AKAP1: variants seen among roughly 807,000 people sequenced by gnomAD.
The protein encoded by AKAP1 is A-kinase anchor protein 1, mitochondrial.
A neutral mutation model predicts 79.8 loss-of-function variants in AKAP1; 32 were observed. That is an observed-to-expected ratio of 0.40 (90% CI 0.30 to 0.54). The LOEUF (loss-of-function observed/expected upper bound fraction) is 0.54, where lower values mean the gene tolerates loss of function less well. Among genes scored for constraint, AKAP1 ranks in the 20% least tolerant of loss-of-function variants. The probability of loss-of-function intolerance (pLI) is 0.47; values close to 1 mark genes in which losing one functional copy is unlikely to be tolerated. For synonymous variants in AKAP1, 416 were observed against 466.7 expected (o/e 0.89, Z 1.40); for missense variants, 961 against 1,138.9 (o/e 0.84, Z 2.25).
chr17:57,097,258 G>T (rs1004788496), intron 1 of AKAP1, among the ~76,000 whole-genome samples: 1 of 152,150 alleles, frequency 6.6e-6, no homozygotes, highest in Non-Finnish European at 1.5e-5. Context: ...GCCTTCCTGG[G>T]CTCCCTTTGC....
At chr17:57,095,751 T>C (rs1389788024) in intron 1 of AKAP1, 1 of 152,204 alleles carries the variant, frequency 6.6e-6, no homozygotes, top group Non-Finnish European at 1.5e-5. Flanking sequence ...TCTTTTCTGA[T>C]GTCTTTACTG....
In AKAP1 at chr17:57,091,452, G is replaced by T. The variant is rs376345244; in HGVS notation, c.-25+6054G>T. The stretch of plus-strand genomic sequence containing the variant: ...AAGCCACCCTGGAAGCTGCCAAGGG[G>T]TGTGTGGAGGGGGTGGCTGCTTAAG... On this transcript the variant is annotated intron_variant, in intron 1 of 10. Transcript: ENST00000337714. Among the ~76,000 whole-genome samples the T allele has an allele frequency of 1.5e-4, 22 of 151,546 alleles. No homozygotes were observed. In the East Asian group the frequency reaches 4.3e-3, roughly 29 times the overall value.
intron 1 of AKAP1, 26 bp from the exon 2 acceptor site, chr17:57,105,415 C>T (rs200038194): frequency 8.4e-4 from 1,347 of 1,607,326 alleles, no homozygotes; most frequent in Non-Finnish European, 1.1e-3. Flanking sequence ...TAACATCCCT[C>T]CTCCCCGCTC....
chr17:57,119,830 CTTTTTTTTTTT>C (rs3054874), intron 10 of AKAP1, among the ~76,000 whole-genome samples: 3 of 70,316 alleles, frequency 4.3e-5, no homozygotes, highest in East Asian at 3.4e-4. Context: ...CCCTGTTACT[CTTTTTTTTTTT>C]TTTTTTTTTG....
intron 1 of AKAP1, among the ~76,000 whole-genome samples, chr17:57,098,795 T>C (rs1785699336): frequency 7.1e-6 from 1 of 141,506 alleles, no homozygotes; most frequent in African/African-American, 2.7e-5. Flanking sequence ...GGAGTCTCAC[T>C]CTGTTGCCCA....
At chr17:57,087,564 C>A (rs721425) in intron 1 of AKAP1, among the ~76,000 whole-genome samples, 172 of 152,128 alleles carry the variant, frequency 1.1e-3, no homozygotes, top group African/African-American at 4.0e-3. Flanking sequence ...TTTTCCTGTC[C>A]TAAAGACAAA....
In AKAP1 at chr17:57,107,081, T is replaced by C. The variant is rs753339671; in HGVS notation, c.1617T>C (p.Ser539=). 1.9e-6 allele frequency: 3 copies of C among 1,614,160 alleles called. No individual in the cohort carries two copies. Among genetic ancestry groups the C allele is most frequent in the Non-Finnish European group, 8.5e-7 (1 of 1,180,040 alleles). Residue 539 remains serine (S), a synonymous_variant, in exon 2 of 11, where the codon AGT becomes AGC. Transcript: ENST00000337714. ...CCATCACCCCGCCACTGCCAGAAAG[T>C]ACTGTGCCCTTCAGCAATGGGGTGC... ...DKAITPPLPE[S]TVPFSNGVLK... is the part of the protein sequence containing the mutation.
intron 1 of AKAP1, among the ~76,000 whole-genome samples, chr17:57,087,821 G>A (rs1420556702): frequency 6.6e-6 from 1 of 152,212 alleles, no homozygotes; most frequent in Non-Finnish European, 1.5e-5. Context: ...TGACTTGATT[G>A]TGTGTGCATT....
At position 57,114,462 on chromosome 17, in the gene AKAP1, A is replaced by T. The variant is rs765962497; in HGVS notation, c.2107A>T (p.Met703Leu). ...CGCTCCCCCTTCCCCTCTACAGCTC[A>T]TGCTGCCTGATGGCATCACCGTGGA... The part of the protein sequence containing the change: ...LPSLPMTSWL[M>L]LPDGITVEVI... The change falls in exon 6 of 11, where the codon ATG becomes TTG. Residue 703 changes from methionine to leucine, a missense_variant. Physicochemically the swap from Met to Leu is conservative, Grantham distance 15. Transcript: ENST00000337714. 1 of 1,613,862 alleles carries T rather than the reference A, an allele frequency of 6.2e-7. No individual in the cohort carries two copies. Among genetic ancestry groups the T allele is most frequent in the South Asian group, 1.1e-5 (1 of 91,086 alleles).
intron 5 of AKAP1, 99 bp downstream of exon 5, chr17:57,112,717 C>T: frequency 1.4e-6 from 2 of 1,468,472 alleles, no homozygotes; most frequent in East Asian, 2.3e-5. Flanking sequence ...AGGCCAAGTG[C>T]ACATGAGTGC....
chr17:57,096,110 G>A (rs891845551), intron 1 of AKAP1: 3 of 152,262 alleles, frequency 2.0e-5, no homozygotes, highest in East Asian at 3.8e-4. Flanking sequence ...GGCCAGCAGA[G>A]CAGGAAAGAG....
At position 57,105,480 on chromosome 17, in the gene AKAP1, C is replaced by T. The variant is rs1344735368; in HGVS notation, c.16C>T (p.Arg6Cys). Residue 6 changes from arginine to cysteine, a missense_variant, in exon 2 of 11, where the codon CGT (arginine) becomes TGT (cysteine). Physicochemically the swap from Arg to Cys is radical, Grantham distance 180. Around this residue, in one of 3 missense-constraint regions of AKAP1, gnomAD observed 108 missense variants for 147.6 expected, o/e 0.73. Coordinates refer to ENST00000337714, the MANE Select transcript of AKAP1 (RefSeq NM_003488.4). MAIQFRSLFPLALPGM... is the reference protein window; with the variant it reads MAIQFCSLFPLALPGM... ...AGCCTCCAGGATGGCAATCCAGTTC[C>T]GTTCGCTCTTCCCCTTGGCATTGCC... is the stretch of plus-strand genomic sequence containing the variant. 3.1e-6 allele frequency: 5 copies of T among 1,614,020 alleles called. No individual in the cohort carries two copies. Among genetic ancestry groups the T allele is most frequent in the African/African-American group, 1.3e-5 (1 of 75,016 alleles).
chr17:57,108,555 G>C (rs1915038791), intron 2 of AKAP1, among the ~76,000 whole-genome samples: 1 of 152,224 alleles, frequency 6.6e-6, no homozygotes, highest in African/African-American at 2.4e-5. Flanking sequence ...AGTCTTCTGA[G>C]TTTAGGCTTG....
intron 1 of AKAP1, among the ~76,000 whole-genome samples, chr17:57,100,378 G>A (rs924121953): frequency 2.6e-5 from 4 of 151,944 alleles, no homozygotes; most frequent in Non-Finnish European, 5.9e-5. Flanking sequence ...TTGAGGTCAG[G>A]AGTTCGAGCC....
intron 6 of AKAP1, 77 bp downstream of exon 6, chr17:57,114,713 G>A: frequency 7.0e-7 from 1 of 1,420,710 alleles, no homozygotes; most frequent in Non-Finnish European, 9.6e-7. Context: ...ATCAGGAGGA[G>A]GCTGTTCTGC....
At position 57,113,594 on chromosome 17, in the gene AKAP1, CTTTTTTTTTTT is replaced by C. The variant is rs1036422001; in HGVS notation, c.2104-849_2104-839del. ...GGAGGCTCGGTCGTAGACTCACTCT[CTTTTTTTTTTT>C]TTTTTTTTTTTTTTTGAGACAGAGT... is the stretch of plus-strand genomic sequence containing the variant. On this transcript the variant is annotated intron_variant, in intron 5 of 10. Coordinates refer to ENST00000337714, the MANE Select transcript of AKAP1 (RefSeq NM_003488.4). Among the ~76,000 whole-genome samples the C allele has an allele frequency of 7.3e-5, 6 of 82,510 alleles. No individual in the cohort carries two copies. In the South Asian group the frequency reaches 1.1e-3, roughly 16 times the overall value. The allele number at this position is 82,510 out of a possible 152,430, so 54.1% of individuals were successfully genotyped here.
rs185948154 is a variant in AKAP1, at chr17:57,110,783, T to C, written c.1848+625T>C. Reference sequence around the variant, plus strand: ...TTTGAAAATGTAACTGTAACTGCATTATTCACTGTGTGGATGTCAGTTTAC... The same window carrying C: ...TTTGAAAATGTAACTGTAACTGCATCATTCACTGTGTGGATGTCAGTTTAC... On this transcript the variant is annotated intron_variant, in intron 3 of 10. Coordinates refer to ENST00000337714, the MANE Select transcript of AKAP1 (RefSeq NM_003488.4). Among the ~76,000 whole-genome samples, 134 of 152,374 alleles carry C rather than the reference T, an allele frequency of 8.8e-4. 1 individual carries two copies. The highest frequency in any genetic ancestry group is 1.3e-4 in the Non-Finnish European group (9 of 68,038).
At chr17:57,104,046 C>A (rs949121648) in intron 1 of AKAP1, among the ~76,000 whole-genome samples, 1 of 151,858 alleles carries the variant, frequency 6.6e-6, no homozygotes, top group South Asian at 2.1e-4. Flanking sequence ...GCAACCTCCA[C>A]CCCCCTGGAT....
chr17:57,114,695 G>C, intron 6 of AKAP1, 59 bp downstream of exon 6: 1 of 1,518,464 alleles, frequency 6.6e-7, no homozygotes, highest in Non-Finnish European at 9.0e-7. Flanking sequence ...GTTCTGCCCT[G>C]GATCCTGATC....
Sources: allele counts gnomAD v4.1 joint callset (sites outside exome capture counted in the v4.1 genomes callset), GRCh38; gene constraint gnomAD v4.1.1; regional missense constraint gnomAD v4.1.1; transcripts MANE v1.5; gene names NCBI Gene and HGNC (gene_info 2026-07-23, HGNC 2026-07-21).